Variants in TMEM132B observed in about 807,000 individuals in gnomAD.
The protein encoded by TMEM132B is transmembrane protein 132B.
Under a neutral mutation model 90.8 loss-of-function variants are expected in TMEM132B, and 18 were observed. The observed-to-expected ratio is 0.20, with a 90% confidence interval of 0.14 to 0.29. The LOEUF (loss-of-function observed/expected upper bound fraction) is 0.29. Among genes scored for constraint, TMEM132B ranks in the 10% least tolerant of loss-of-function variants. TMEM132B has a pLI of 1.00. For missense variants in TMEM132B, 1,096 were observed against 1,326.8 expected (o/e 0.83, Z 2.70); for synonymous variants, 504 against 523.3 (o/e 0.96, Z 0.50).
intron 5 of TMEM132B, among the ~76,000 whole-genome samples, chr12:125,607,547 G>A (rs952055698): frequency 2.6e-5 from 4 of 152,148 alleles, no homozygotes; most frequent in Non-Finnish European, 5.9e-5. Context: ...TTGTTCATGT[G>A]GGGACTCAAA....
intron 4 of TMEM132B, among the ~76,000 whole-genome samples, chr12:125,578,488 T>C (rs370815745): frequency 9.9e-5 from 15 of 152,282 alleles, no homozygotes; most frequent in South Asian, 2.1e-4. Flanking sequence ...AACAAAAATA[T>C]GTTTGTACTG....
At chr12:125,434,636 C>T (rs150629197) in intron 3 of TMEM132B, among the ~76,000 whole-genome samples, 1,814 of 152,282 alleles carry the variant, frequency 0.012, 26 homozygotes, top group Middle Eastern at 0.017. Flanking sequence ...TGTGGTCAGA[C>T]GTCGCGTTCC....
At chr12:125,375,335 C>T (rs1015725731) in intron 2 of TMEM132B, among the ~76,000 whole-genome samples, 6 of 152,148 alleles carry the variant, frequency 3.9e-5, no homozygotes, top group African/African-American at 7.2e-5. Flanking sequence ...AAGAAGTGTC[C>T]GTGCCTTGCC....
chr12:125,363,688 G>A (rs1878032753), intron 2 of TMEM132B, among the ~76,000 whole-genome samples: 2 of 152,124 alleles, frequency 1.3e-5, no homozygotes, highest in Non-Finnish European at 2.9e-5. Context: ...ATCTTCAGAG[G>A]TAGCAGAATG....
intron 2 of TMEM132B, among the ~76,000 whole-genome samples, chr12:125,359,959 T>G (rs865877498): frequency 2.6e-4 from 40 of 152,268 alleles, no homozygotes; most frequent in African/African-American, 9.1e-4. Flanking sequence ...GTGCCTCTAG[T>G]CCCAGCTACT....
intron 1 of TMEM132B, among the ~76,000 whole-genome samples, chr12:125,309,864 C>T (rs1876082354): frequency 6.6e-6 from 1 of 152,148 alleles, no homozygotes; most frequent in Non-Finnish European, 1.5e-5. Flanking sequence ...GCAGGAACAG[C>T]TGTCTTTGGT....
At chr12:125,638,646 C>T (rs1170035453) in intron 5 of TMEM132B, among the ~76,000 whole-genome samples, 1 of 151,836 alleles carries the variant, frequency 6.6e-6, no homozygotes, top group South Asian at 2.1e-4. Context: ...CTCGGGTTGG[C>T]AGAGGGGTCG....
chr12:125,267,885 A>G (rs1279001978), intron 1 of TMEM132B, among the ~76,000 whole-genome samples: 1 of 152,132 alleles, frequency 6.6e-6, no homozygotes, highest in Non-Finnish European at 1.5e-5. Flanking sequence ...GTGTGGACCA[A>G]TCAATATTCG....
At chr12:125,255,661 C>T (rs1273857243) in intron 1 of TMEM132B, among the ~76,000 whole-genome samples, 1 of 152,164 alleles carries the variant, frequency 6.6e-6, no homozygotes, top group African/African-American at 2.4e-5. Context: ...GACTGGGGAT[C>T]TTGGAGCGAG....
intron 7 of TMEM132B, among the ~76,000 whole-genome samples, chr12:125,652,027 G>C (rs1886935613): frequency 6.6e-6 from 1 of 152,132 alleles, no homozygotes; most frequent in Non-Finnish European, 1.5e-5. Context: ...TGCTTTTAAG[G>C]ACTCATGTGA....
At chr12:125,616,871 G>C (rs1886000842) in intron 5 of TMEM132B, among the ~76,000 whole-genome samples, 1 of 152,136 alleles carries the variant, frequency 6.6e-6, no homozygotes, top group Non-Finnish European at 1.5e-5. Context: ...AGAAGAGAAA[G>C]ACAGAGACAT....
At chr12:125,622,495 C>G in intron 5 of TMEM132B, 1 of 985,420 alleles carries the variant, frequency 1.0e-6, no homozygotes, top group Non-Finnish European at 1.2e-6. Flanking sequence ...GGAAAGGACT[C>G]ACAGTCAAGA....
At chr12:125,649,656 A>G (rs898737007) in intron 6 of TMEM132B, among the ~76,000 whole-genome samples, 2 of 152,312 alleles carry the variant, frequency 1.3e-5, no homozygotes, top group South Asian at 4.1e-4. Flanking sequence ...CAGTAGGTCT[A>G]ATTCAGCATG....
At chr12:125,307,850 TTA>T (rs1876028188) in intron 1 of TMEM132B, among the ~76,000 whole-genome samples, 2 of 118,274 alleles carry the variant, frequency 1.7e-5, no homozygotes, top group Admixed American at 8.7e-5. Flanking sequence ...TAATATATAC[TTA>T]TATATTTATA....
chr12:125,263,413 C>T (rs1390102128), intron 1 of TMEM132B, among the ~76,000 whole-genome samples: 1 of 152,202 alleles, frequency 6.6e-6, no homozygotes, highest in African/African-American at 2.4e-5. Flanking sequence ...ATAACACATT[C>T]TCATCAGGGT....
intron 5 of TMEM132B, among the ~76,000 whole-genome samples, chr12:125,615,331 C>A (rs1259875282): frequency 6.6e-6 from 1 of 151,926 alleles, no homozygotes; most frequent in Non-Finnish European, 1.5e-5. Flanking sequence ...TGATATCTGT[C>A]TGTCTATCTA....
chr12:125,320,068 C>T (rs1342167249), intron 1 of TMEM132B, among the ~76,000 whole-genome samples: 1 of 152,018 alleles, frequency 6.6e-6, no homozygotes, highest in Non-Finnish European at 1.5e-5. Flanking sequence ...ACCTTTTCTA[C>T]AAGGACTGGC....
At chr12:125,564,954 G>A (rs1005288508) in intron 4 of TMEM132B, among the ~76,000 whole-genome samples, 3 of 152,138 alleles carry the variant, frequency 2.0e-5, no homozygotes, top group African/African-American at 7.2e-5. Flanking sequence ...GGATGAGTAG[G>A]GGTTTTCCAT....
chr12:125,262,967 C>T (rs980004547), intron 1 of TMEM132B, among the ~76,000 whole-genome samples: 7 of 152,162 alleles, frequency 4.6e-5, no homozygotes, highest in Non-Finnish European at 1.0e-4. Context: ...CCTCCCAGGC[C>T]CCTTGAGCAT....
Sources: gnomAD v4.1 joint callset for allele counts (sites outside exome capture counted in the v4.1 genomes callset) on GRCh38, gnomAD v4.1.1 for gene constraint, MANE v1.5 for transcripts, NCBI Gene and HGNC (gene_info 2026-07-23, HGNC 2026-07-21) for gene names.